Variants in UNC5C observed in about 807,000 individuals in gnomAD.
UNC5C encodes unc-5 netrin receptor C, also known as netrin receptor UNC5C.
Under a neutral mutation model 99.8 loss-of-function variants are expected in UNC5C, and 47 were observed. That is an observed-to-expected ratio of 0.47 (90% confidence interval 0.37 to 0.60). The LOEUF is 0.60. Among genes scored for constraint, UNC5C ranks in the 20% least tolerant of loss-of-function variants. The pLI, the probability that UNC5C is intolerant of heterozygous loss-of-function variation, is 0.00. For synonymous variants in UNC5C, 487 were observed against 452.2 expected (o/e 1.08, Z -0.98); for missense variants, 1,062 against 1,165.9 (o/e 0.91, Z 1.30).
intron 2 of UNC5C, among the ~76,000 whole-genome samples, chr4:95,326,209 G>A (rs1352936894): frequency 2.6e-5 from 4 of 152,116 alleles, no homozygotes; most frequent in East Asian, 3.9e-4. Context: ...TATAAGGCCT[G>A]GAACTTTTAT....
chr4:95,197,887 G>T (rs555036356), intron 12 of UNC5C, among the ~76,000 whole-genome samples: 1 of 151,616 alleles, frequency 6.6e-6, no homozygotes, highest in Non-Finnish European at 1.5e-5. Context: ...TGACGAGAGA[G>T]TTCAGTGTGG....
At chr4:95,547,642 G>A (rs1191428058) in intron 1 of UNC5C, among the ~76,000 whole-genome samples, 2 of 152,230 alleles carry the variant, frequency 1.3e-5, no homozygotes, top group African/African-American at 4.8e-5. Context: ...CACCACTGAA[G>A]TGGGCTAAGA....
At chr4:95,522,791 G>T (rs1262722411) in intron 1 of UNC5C, among the ~76,000 whole-genome samples, 1 of 152,018 alleles carries the variant, frequency 6.6e-6, no homozygotes, top group Non-Finnish European at 1.5e-5. Context: ...GTTTTTATCT[G>T]TGCTTGGAAC....
chr4:95,329,015 G>A (rs1246213629), intron 2 of UNC5C, among the ~76,000 whole-genome samples: 6 of 152,144 alleles, frequency 3.9e-5, no homozygotes, highest in Non-Finnish European at 8.8e-5. Flanking sequence ...TCCCAGAAGG[G>A]GTGGAGGGAA....
At chr4:95,402,121 C>T (rs79384711) in intron 1 of UNC5C, among the ~76,000 whole-genome samples, 219 of 152,232 alleles carry the variant, frequency 1.4e-3, no homozygotes, top group African/African-American at 5.1e-3. Flanking sequence ...AAATGTAATG[C>T]TACTAATACA....
chr4:95,218,697 G>A (rs1409017240), intron 9 of UNC5C, among the ~76,000 whole-genome samples: 4 of 152,218 alleles, frequency 2.6e-5, no homozygotes, highest in Admixed American at 2.0e-4. Flanking sequence ...TAGTAAAAAG[G>A]AGGTCAATGA....
At chr4:95,521,811 T>C (rs1220700692) in intron 1 of UNC5C, among the ~76,000 whole-genome samples, 2 of 152,228 alleles carry the variant, frequency 1.3e-5, no homozygotes, top group African/African-American at 2.4e-5. Flanking sequence ...TCCATTTTTA[T>C]ATATCACAGA....
chr4:95,174,804 C>T (rs1736267618), intron 14 of UNC5C, among the ~76,000 whole-genome samples: 1 of 145,842 alleles, frequency 6.9e-6, no homozygotes, highest in Non-Finnish European at 1.5e-5. Context: ...TCCTTGTTGA[C>T]TTTCTGTCTC....
intron 1 of UNC5C, among the ~76,000 whole-genome samples, chr4:95,540,880 C>A (rs1377031883): frequency 6.6e-6 from 1 of 152,074 alleles, no homozygotes; most frequent in African/African-American, 2.4e-5. Flanking sequence ...CTCCAAAAAT[C>A]ATGTATAATA....
chr4:95,393,863 T>TTTTTTTA, intron 1 of UNC5C, among the ~76,000 whole-genome samples: 1 of 146,334 alleles, frequency 6.8e-6, no homozygotes, highest in African/African-American at 2.5e-5. Flanking sequence ...TTTTTTTTTT[T>TTTTTTTA]AAAAAAAAAC....
At chr4:95,182,729 T>C (rs1221283849) in intron 14 of UNC5C, among the ~76,000 whole-genome samples, 168 bp downstream of exon 14, 1 of 152,184 alleles carries the variant, frequency 6.6e-6, no homozygotes, top group African/African-American at 2.4e-5. Flanking sequence ...TTTCTGCAGC[T>C]AGCTTCCATT....
intron 12 of UNC5C, among the ~76,000 whole-genome samples, chr4:95,201,131 G>A (rs1033977606): frequency 3.3e-5 from 5 of 152,198 alleles, no homozygotes; most frequent in African/African-American, 1.2e-4. Flanking sequence ...GGTTGGAACT[G>A]TGAGAAATAA....
chr4:95,466,033 A>G (rs953663081), intron 1 of UNC5C, among the ~76,000 whole-genome samples: 1 of 152,216 alleles, frequency 6.6e-6, no homozygotes, highest in Non-Finnish European at 1.5e-5. Context: ...GGCAACAGCA[A>G]TAAGTATGTG....
chr4:95,195,651 A>G (rs1274955827), intron 12 of UNC5C, among the ~76,000 whole-genome samples: 2 of 152,184 alleles, frequency 1.3e-5, no homozygotes, highest in Non-Finnish European at 1.5e-5. Flanking sequence ...GGATAAAAAT[A>G]TAACTACCTT....
At chr4:95,469,344 G>T (rs1391437883) in intron 1 of UNC5C, among the ~76,000 whole-genome samples, 6 of 152,080 alleles carry the variant, frequency 3.9e-5, no homozygotes, top group Non-Finnish European at 8.8e-5. Context: ...TCCTTTGCTG[G>T]TATTAAATTC....
chr4:95,266,089 T>C (rs1388111280), intron 4 of UNC5C, among the ~76,000 whole-genome samples: 1 of 152,184 alleles, frequency 6.6e-6, no homozygotes, highest in East Asian at 1.9e-4. Flanking sequence ...TAATACCAAA[T>C]TAATAATATC....
intron 1 of UNC5C, among the ~76,000 whole-genome samples, chr4:95,529,618 T>G (rs867550574): frequency 6.6e-6 from 1 of 151,730 alleles, no homozygotes; most frequent in Non-Finnish European, 1.5e-5. Flanking sequence ...TCCCAGCTAC[T>G]CAGGAGGCTC....
In UNC5C at chr4:95,312,903, T is replaced by A. The variant is rs1436782041; in HGVS notation, c.347-11154A>T. Among the ~76,000 whole-genome samples the A allele has an allele frequency of 3.9e-5, 6 of 152,310 alleles. No homozygotes were observed. The East Asian group carries it at 1.2e-3, about 29-fold the overall frequency. ...GTCAACGTAGCCACAGAAACTCACC[T>A]CATCATGGCTCTCAGTATGGTTTTG... On this transcript the variant is annotated intron_variant, in intron 2 of 15. Transcript: ENST00000453304.
chr4:95,279,376 T>A (rs1324517627), intron 3 of UNC5C, among the ~76,000 whole-genome samples: 2 of 152,204 alleles, frequency 1.3e-5, no homozygotes, highest in African/African-American at 4.8e-5. Flanking sequence ...TTTTACAAAC[T>A]GTTGTTAGAT....
Sources: gnomAD v4.1 joint callset for allele counts (sites outside exome capture counted in the v4.1 genomes callset) on GRCh38, gnomAD v4.1.1 for gene constraint, MANE v1.5 for transcripts, NCBI Gene and HGNC (gene_info 2026-07-23, HGNC 2026-07-21) for gene names.